Variants in ELF1 observed in about 807,000 individuals in gnomAD.
The protein encoded by ELF1 is ETS-related transcription factor Elf-1.
In ELF1, 24 loss-of-function variants were observed where a neutral mutation model predicts 59.9. The observed-to-expected ratio is 0.40, with a 90% CI of 0.29 to 0.56. The LOEUF (loss-of-function observed/expected upper bound fraction) is 0.56. ELF1 is among the 20% of genes least tolerant of loss of function. ELF1 has a pLI of 0.44. For missense variants in ELF1, 627 were observed against 742.2 expected, an observed-to-expected ratio of 0.84 and a Z score of 1.80; for synonymous variants, 248 against 266.2, an observed-to-expected ratio of 0.93 and a Z score of 0.67.
At chr13:40,986,271 C>A (rs1873543412) in intron 1 of ELF1, among the ~76,000 whole-genome samples, 1 of 152,172 alleles carries the variant, frequency 6.6e-6, no homozygotes, top group Non-Finnish European at 1.5e-5. Flanking sequence ...GTGTCTCAGT[C>A]CCCTCTTTCC....
intron 1 of ELF1, among the ~76,000 whole-genome samples, chr13:41,035,844 A>AAAC (rs1165440085): frequency 4.8e-4 from 72 of 148,732 alleles, no homozygotes; most frequent in Middle Eastern, 3.5e-3. Flanking sequence ...GTTAAAAAAA[A>AAAC]AACAACAACA....
chr13:40,942,525 C>A (rs1363403784), intron 7 of ELF1, among the ~76,000 whole-genome samples: 1 of 152,002 alleles, frequency 6.6e-6, no homozygotes, highest in Non-Finnish European at 1.5e-5. Flanking sequence ...TGAGAATGCA[C>A]CCTCTTTTTT....
At chr13:40,987,584 CAAAAAAA>C (rs374604821) in intron 1 of ELF1, among the ~76,000 whole-genome samples, 1 of 68,408 alleles carries the variant, frequency 1.5e-5, no homozygotes, top group Admixed American at 1.7e-4. Flanking sequence ...GACTCTGTCT[CAAAAAAA>C]AAAAAAAAAA....
chr13:40,959,282 G>A (rs1452031838), intron 2 of ELF1, among the ~76,000 whole-genome samples: 1 of 151,788 alleles, frequency 6.6e-6, no homozygotes, highest in African/African-American at 2.4e-5. Context: ...AGATCACGAG[G>A]GTCAGGAAAT....
intron 3 of ELF1, among the ~76,000 whole-genome samples, chr13:40,952,470 TACC>T (rs1236203797): frequency 2.0e-5 from 3 of 151,968 alleles, no homozygotes; most frequent in Non-Finnish European, 4.4e-5. Context: ...CAAGCAATCC[TACC>T]ACCTCAGCCT....
At chr13:41,044,506 C>T (rs1015000197) in intron 1 of ELF1, among the ~76,000 whole-genome samples, 1 of 152,162 alleles carries the variant, frequency 6.6e-6, no homozygotes, top group Non-Finnish European at 1.5e-5. Context: ...GCATGAAGCG[C>T]TGTTGAATTT....
At chr13:40,963,518 A>G (rs939126579) in intron 2 of ELF1, among the ~76,000 whole-genome samples, 14 of 152,210 alleles carry the variant, frequency 9.2e-5, no homozygotes, top group African/African-American at 3.4e-4. Context: ...GTCCACTGAC[A>G]TGGGATGTAT....
chr13:40,969,821 C>T (rs182651012), intron 2 of ELF1, among the ~76,000 whole-genome samples: 4 of 152,232 alleles, frequency 2.6e-5, no homozygotes, highest in African/African-American at 9.6e-5. Context: ...CTCCCACTTC[C>T]GCTTCCCAAG....
At chr13:41,054,926 C>T (rs975762447) in intron 1 of ELF1, among the ~76,000 whole-genome samples, 1 of 152,234 alleles carries the variant, frequency 6.6e-6, no homozygotes, top group African/African-American at 2.4e-5. Flanking sequence ...AAGAGGCTTC[C>T]AAAATCTCCT....
intron 2 of ELF1, among the ~76,000 whole-genome samples, chr13:40,962,613 G>C (rs1456263213): frequency 6.6e-6 from 1 of 151,644 alleles, no homozygotes; most frequent in Non-Finnish European, 1.5e-5. Context: ...TTGAACCTGG[G>C]AGGCGGAGGT....
At chr13:41,019,962 A>T (rs1026350673), upstream of ELF1, among the ~76,000 whole-genome samples, 1 of 152,250 alleles carries the variant, frequency 6.6e-6, no homozygotes, top group Non-Finnish European at 1.5e-5. Flanking sequence ...AAGCAAAATG[A>T]TTTTAAATAA....
chr13:40,985,200 T>C (rs1399046892), intron 1 of ELF1, among the ~76,000 whole-genome samples: 1 of 152,206 alleles, frequency 6.6e-6, no homozygotes, highest in Non-Finnish European at 1.5e-5. Context: ...CTCCCCTGTG[T>C]ACTTATATAC....
chr13:41,048,603 A>T (rs1388594224), intron 1 of ELF1, among the ~76,000 whole-genome samples: 1 of 152,124 alleles, frequency 6.6e-6, no homozygotes, highest in African/African-American at 2.4e-5. Context: ...TTATAGTGAC[A>T]GGATACCAGT....
chr13:40,956,798 T>G (rs1290194978), intron 3 of ELF1, among the ~76,000 whole-genome samples: 1 of 150,938 alleles, frequency 6.6e-6, no homozygotes, highest in African/African-American at 2.4e-5. Context: ...GTTCAAGTGA[T>G]TCTCCTGCCT....
intron 1 of ELF1, among the ~76,000 whole-genome samples, chr13:41,005,926 T>A (rs1874728320): frequency 6.6e-6 from 1 of 152,198 alleles, no homozygotes; most frequent in African/African-American, 2.4e-5. Flanking sequence ...TGGTCAATAT[T>A]TACCTAGGCT....
chr13:40,981,318 G>A (rs1488608000), intron 2 of ELF1, among the ~76,000 whole-genome samples: 2 of 151,896 alleles, frequency 1.3e-5, no homozygotes, highest in East Asian at 1.9e-4. Context: ...CTCTAGCCTC[G>A]TTCCAGTTCT....
rs76686650 is a variant in ELF1 at position 40,932,330 on chromosome 13, C to T, written c.*1095G>A. 5.4e-5 allele frequency: 8 copies of T among 148,154 alleles called. No homozygotes were observed. Among genetic ancestry groups the T allele is most frequent in the East Asian group, 2.0e-4 (1 of 5,046 alleles). The allele number at this position is 148,154 out of a possible 1,614,324, so 9.2% of individuals were successfully genotyped here. On this transcript the variant is annotated 3_prime_UTR_variant, in exon 9 of 9. Coordinates refer to ENST00000239882, the MANE Select transcript of ELF1 (RefSeq NM_172373.4). ...TATGTTATCTTTGTATGCAACCCCC[C>T]CCAAGTCCGCCCCCAGTAAAAAATG... is the stretch of plus-strand genomic sequence containing the variant.
intron 2 of ELF1, among the ~76,000 whole-genome samples, chr13:40,971,814 G>C (rs1379925982): frequency 6.6e-6 from 1 of 152,144 alleles, no homozygotes; most frequent in Non-Finnish European, 1.5e-5. Context: ...ATCTCAAAAA[G>C]TAAGAGTCAA....
In ELF1 at chr13:40,943,166, T is replaced by C. The variant is rs754887156; in HGVS notation, c.614-22A>G. On this transcript the variant is annotated intron_variant, in intron 6 of 8. Transcript: ENST00000239882. ...TTTCCTGAAACAAAAACAATTTCTT[T>C]CTAAATGACCAAAATTTCATTTAAA... 3.4e-6 allele frequency: 5 copies of C among 1,473,738 alleles called. No homozygotes were observed. In the South Asian group the frequency reaches 7.6e-5, roughly 22 times the overall value. 91.3% of individuals were successfully genotyped at this position (1,473,738 alleles called of 1,614,324 possible).
Sources: gnomAD v4.1 joint callset for allele counts (sites outside exome capture counted in the v4.1 genomes callset) on GRCh38, gnomAD v4.1.1 for gene constraint, MANE v1.5 for transcripts, NCBI Gene and HGNC (gene_info 2026-07-23, HGNC 2026-07-21) for gene names.